The following HSPD1 variants were observed in gnomAD, a reference collection of about 807,000 sequenced individuals.
HSPD1 encodes the protein 60 kDa heat shock protein, mitochondrial.
HSPD1 carries 3 observed loss-of-function variants against 53.0 expected under a neutral mutation model. The observed-to-expected ratio is 0.06, with a 90% CI of 0.03 to 0.15. The LOEUF is 0.15. Ranked by LOEUF, HSPD1 falls within the 10% of genes least tolerant of loss-of-function variation. The pLI, the probability that HSPD1 is intolerant of heterozygous loss-of-function variation, is 1.00. For synonymous variants in HSPD1, 200 were observed against 228.0 expected (o/e 0.88, Z 1.10); for missense variants, 431 against 694.1 (o/e 0.62, Z 4.26).
chr2:197,496,808 C>T, intron 3 of HSPD1: 1 of 360,980 alleles, frequency 2.8e-6, no homozygotes, highest in Non-Finnish European at 5.2e-6. Context: ...GTGGTGAGTG[C>T]CTGTAGTAGT....
chr2:197,488,588 G>C (rs2086054105), intron 9 of HSPD1, 97 bp from the exon 10 acceptor site: 1 of 1,096,612 alleles, frequency 9.1e-7, no homozygotes, highest in African/African-American at 1.5e-5. Flanking sequence ...GCAATCCTGA[G>C]GTGGGCGTGG....
At chr2:197,489,391 C>G in intron 8 of HSPD1, 144 bp from the exon 9 acceptor site, 1 of 862,988 alleles carries the variant, frequency 1.2e-6, no homozygotes, top group Non-Finnish European at 1.9e-6. Flanking sequence ...TAGTCCAGAA[C>G]AAGACTTGAG....
intron 1 of HSPD1, chr2:197,499,283 T>G: frequency 3.5e-6 from 1 of 287,416 alleles, no homozygotes; most frequent in South Asian, 3.2e-5. Flanking sequence ...CTCAGCAAAG[T>G]GTCTCCATGG....
chr2:197,497,624 A>G, intron 2 of HSPD1: 2 of 566,782 alleles, frequency 3.5e-6, no homozygotes, highest in South Asian at 4.1e-5. Flanking sequence ...GTAATTTAGG[A>G]GATTAAAATC....
chr2:197,493,551 G>GA (rs1164863266), intron 6 of HSPD1, 59 bp from the exon 7 acceptor site: 2 of 1,289,092 alleles, frequency 1.6e-6, no homozygotes, highest in Non-Finnish European at 1.1e-6. Context: ...ACATTTAAAT[G>GA]AAAAGCGAAA....
intron 8 of HSPD1, among the ~76,000 whole-genome samples, chr2:197,489,761 G>A (rs536041988): frequency 2.6e-5 from 4 of 151,876 alleles, no homozygotes; most frequent in Admixed American, 6.6e-5. Flanking sequence ...AGGCTGAGAC[G>A]GGAGGATTGC....
chr2:197,490,406 G>A (rs2086076315), intron 7 of HSPD1, 110 bp from the exon 8 acceptor site: 1 of 738,692 alleles, frequency 1.4e-6, no homozygotes, highest in African/African-American at 3.7e-5. Context: ...AATCTGGTTT[G>A]GTTTTTGTGT....
At chr2:197,493,607 C>T (rs1321222079) in intron 6 of HSPD1, 115 bp from the exon 7 acceptor site, 2 of 769,202 alleles carry the variant, frequency 2.6e-6, no homozygotes, top group East Asian at 5.3e-5. Flanking sequence ...GTTGGTTTTC[C>T]TCCTTCATTT....
chr2:197,494,955 G>A, intron 4 of HSPD1: 2 of 612,584 alleles, frequency 3.3e-6, no homozygotes, highest in Non-Finnish European at 5.8e-6. Context: ...TGAAGAATAT[G>A]ATACATAAAA....
chr2:197,487,249 A>T lies in HSPD1; in HGVS notation c.1570-51T>A, dbSNP rs367612550. 6.5e-4 allele frequency: 999 copies of T among 1,539,112 alleles called. 11 individuals are homozygous for T. The South Asian group carries it at 0.011, about 17-fold the overall frequency. On this transcript the variant is annotated intron_variant, in intron 11 of 11. Coordinates refer to ENST00000388968, the MANE Select transcript of HSPD1 (RefSeq NM_002156.5). ...TTTCCCTTAGTAAAATATGAGCAAG[A>T]CTTATTGAAAATTTCTGTCTGGGCA...
intron 7 of HSPD1, among the ~76,000 whole-genome samples, chr2:197,492,213 C>CAA (rs1056566767): frequency 2.0e-5 from 3 of 152,170 alleles, no homozygotes; most frequent in Non-Finnish European, 4.4e-5. Flanking sequence ...TATTTAGAGA[C>CAA]AGAGTCTCGC....
At chr2:197,490,354 T>G in intron 7 of HSPD1, 58 bp from the exon 8 acceptor site, 1 of 1,302,748 alleles carries the variant, frequency 7.7e-7, no homozygotes, top group East Asian at 2.3e-5. Context: ...ATCTGTTTAA[T>G]TCCCCTCAAG....
At chr2:197,496,390 T>C (rs562297503) in intron 3 of HSPD1, among the ~76,000 whole-genome samples, 1 of 152,320 alleles carries the variant, frequency 6.6e-6, no homozygotes, top group East Asian at 1.9e-4. Context: ...GATGAGGTAA[T>C]GATACATTAG....
intron 3 of HSPD1, among the ~76,000 whole-genome samples, chr2:197,495,997 A>G (rs1311942718): frequency 6.6e-6 from 1 of 152,212 alleles, no homozygotes; most frequent in African/African-American, 2.4e-5. Context: ...AATAGGGTCC[A>G]CGACACTTCT....
At chr2:197,489,602 G>A (rs1016062589) in intron 8 of HSPD1, among the ~76,000 whole-genome samples, 3 of 152,146 alleles carry the variant, frequency 2.0e-5, no homozygotes, top group African/African-American at 7.2e-5. Flanking sequence ...GCTCATGCCT[G>A]TAATCCCAGG....
Position 197,492,575 on chromosome 2 carries a change from C to A in HSPD1, c.869+749G>T, listed in dbSNP as rs1225151150. 2.6e-5 allele frequency among the ~76,000 whole-genome samples: 4 copies of A among 151,860 alleles called. No individual in the cohort carries two copies. The East Asian group carries it at 7.7e-4, about 29-fold the overall frequency. On this transcript the variant is annotated intron_variant, in intron 7 of 11. Coordinates refer to ENST00000388968, the MANE Select transcript of HSPD1 (RefSeq NM_002156.5). ...ATTTACATATTTTTAACCAGAAAAA[C>A]CTTAAAAAAACAAAACAAAACAAAA...
In HSPD1 at chr2:197,493,485, T is replaced by C. The variant is rs1203495491; in HGVS notation, c.708A>G (p.Lys236=). Residue 236 remains lysine, a synonymous_variant, in exon 7 of 12, where the codon AAA becomes AAG. Coordinates refer to ENST00000388968, the MANE Select transcript of HSPD1 (RefSeq NM_002156.5). The part of the protein sequence containing the change: ...PYFINTSKGQ[K]CEFQDAYVLL... ...GAACATAGGCATCCTGGAATTCACA[T>C]TTCTGACCTGTAAAAATAATGAAGA... is the stretch of plus-strand genomic sequence containing the variant. The C allele has an allele frequency of 1.9e-6, 3 of 1,608,850 alleles. No individual in the cohort carries two copies. Among genetic ancestry groups the C allele is most frequent in the Admixed American group, 3.3e-5 (2 of 60,020 alleles).
At position 197,489,256 on chromosome 2, in the gene HSPD1, A is replaced by ATTTT; in HGVS notation, c.970-10_970-9insAAAA. 6.2e-7 allele frequency: 1 copy of ATTTT among 1,614,128 alleles called. No homozygotes were observed. Among genetic ancestry groups the ATTTT allele is most frequent in the Non-Finnish European group, 8.5e-7 (1 of 1,179,974 alleles). On this transcript the variant is annotated splice_polypyrimidine_tract_variant and intron_variant, in intron 8 of 11. Coordinates refer to ENST00000388968, the MANE Select transcript of HSPD1 (RefSeq NM_002156.5). ...CCCTCTTCTCCAAACACCTACAAAA[A>ATTTT]GAGTTAAACGTAAACCTGTTGTAGG...
intron 1 of HSPD1, chr2:197,499,184 CCT>C: frequency 2.5e-6 from 1 of 403,800 alleles, no homozygotes; most frequent in South Asian, 2.3e-5. Flanking sequence ...AACTGTGGCC[CCT>C]GAGAAACCAA....
Sources: allele counts gnomAD v4.1 joint callset (sites outside exome capture counted in the v4.1 genomes callset), GRCh38; gene constraint gnomAD v4.1.1; transcripts MANE v1.5; gene names NCBI Gene and HGNC (gene_info 2026-07-23, HGNC 2026-07-21).